The following ZNF480 variants were observed in gnomAD, a reference collection of about 807,000 sequenced individuals.
The protein encoded by ZNF480 is zinc finger protein 480.
ZNF480 carries 15 observed loss-of-function variants against 14.4 expected under a neutral mutation model. The observed-to-expected ratio is 1.04, with a 90% confidence interval of 0.70 to 1.60. ZNF480 has a LOEUF of 1.60. Ranked by LOEUF, ZNF480 falls within the 40% of genes most tolerant of loss-of-function variation. ZNF480 has a pLI of 0.00. For missense variants in ZNF480, 593 were observed against 629.7 expected (o/e 0.94, Z 0.62); for synonymous variants, 218 against 215.5 (o/e 1.01, Z -0.10).
chr19:52,318,358 G>A (rs1415768986), intron 4 of ZNF480, among the ~76,000 whole-genome samples: 2 of 152,050 alleles, frequency 1.3e-5, no homozygotes, highest in African/African-American at 2.4e-5. Flanking sequence ...TCTACCTGCT[G>A]CAGCCTCTCA....
intron 3 of ZNF480, among the ~76,000 whole-genome samples, chr19:52,314,501 A>G (rs1292369716): frequency 6.8e-6 from 1 of 147,774 alleles, no homozygotes; most frequent in African/African-American, 2.5e-5. Context: ...AAAAAAAACC[A>G]AAAAAACCCT....
At chr19:52,316,738 C>T (rs908797360) in intron 4 of ZNF480, among the ~76,000 whole-genome samples, 2 of 152,126 alleles carry the variant, frequency 1.3e-5, no homozygotes, top group African/African-American at 2.4e-5. Flanking sequence ...TCTCCCCTCC[C>T]GCTTTCTTGT....
rs371233992 is a variant in ZNF480, at chr19:52,315,162, T to C, written c.200-672T>C. On this transcript the variant is annotated intron_variant, in intron 3 of 4. Transcript: ENST00000595962. Reference sequence around the variant, plus strand: ...TTCATTTTTACAATGTTGGCCAGGCTGGTCTCAAAGTCCTGGGCTCAAGCA... The same window carrying C: ...TTCATTTTTACAATGTTGGCCAGGCCGGTCTCAAAGTCCTGGGCTCAAGCA... 3.9e-5 allele frequency among the ~76,000 whole-genome samples: 6 copies of C among 152,062 alleles called. No homozygotes were observed. In the South Asian group the frequency reaches 1.2e-3, roughly 32 times the overall value.
chr19:52,309,578 G>C (rs929786126), intron 2 of ZNF480, among the ~76,000 whole-genome samples: 4 of 152,206 alleles, frequency 2.6e-5, no homozygotes, highest in African/African-American at 9.6e-5. Context: ...CAGAAGGTTG[G>C]ATAGACATTC....
Position 52,302,843 on chromosome 19 carries a change from A to G in ZNF480, c.72+2359A>G, listed in dbSNP as rs188283601. Among the ~76,000 whole-genome samples the G allele has an allele frequency of 1.9e-3, 284 of 152,330 alleles. 2 individuals carry two copies. The highest frequency in any genetic ancestry group is 6.7e-3 in the African/African-American group (279 of 41,572). ...TATGTTTTAGACCAGAGGCATTAAC[A>G]TGGGTTAAATTGTGAAAGTGTCTGG... On this transcript the variant is annotated intron_variant, in intron 2 of 4. Transcript: ENST00000595962.
chr19:52,325,724 C>G lies in ZNF480; in HGVS notation c.*2866C>G, dbSNP rs1984070192. 6.6e-6 allele frequency: 1 copy of G among 152,130 alleles called. No individual in the cohort carries two copies. Among genetic ancestry groups the G allele is most frequent in the South Asian group, 2.1e-4 (1 of 4,828 alleles). The allele number at this position is 152,130 out of a possible 1,614,324, so 9.4% of individuals were successfully genotyped here. On this transcript the variant is annotated 3_prime_UTR_variant, in exon 5 of 5. Coordinates refer to ENST00000595962, the MANE Select transcript of ZNF480 (RefSeq NM_144684.4). ...AAGTGGGAGCTAAACATTGATTACA[C>G]ATGGACTCAAAGAAGGGAACAGTAG...
chr19:52,317,687 T>G (rs1176010023), intron 4 of ZNF480, among the ~76,000 whole-genome samples: 1 of 152,202 alleles, frequency 6.6e-6, no homozygotes, highest in Non-Finnish European at 1.5e-5. Flanking sequence ...TTTTTTATCT[T>G]TATACCCAGA....
chr19:52,321,119 C>T (rs1009493981), intron 4 of ZNF480, among the ~76,000 whole-genome samples: 4 of 151,844 alleles, frequency 2.6e-5, no homozygotes, highest in Admixed American at 6.6e-5. Context: ...GGTAAAATAA[C>T]TGCTTCTCTC....
chr19:52,318,825 T>A (rs907111224), intron 4 of ZNF480, among the ~76,000 whole-genome samples: 2 of 152,074 alleles, frequency 1.3e-5, no homozygotes, highest in African/African-American at 4.8e-5. Context: ...CTACCAAGTA[T>A]TTGAGGGTTT....
rs1033447053 is a variant in ZNF480 at position 52,315,944 on chromosome 19, A to G, written c.310A>G (p.Ile104Val). ...IAKNSDGREC[I>V]KGVNTGSSYA... is the part of the protein sequence containing the mutation. Reference sequence around the variant, plus strand: ...AAAAAATTCAGATGGGAGGGAGTGCATCAAAGGTGTGAACACAGGTAAGAG... The same window carrying G: ...AAAAAATTCAGATGGGAGGGAGTGCGTCAAAGGTGTGAACACAGGTAAGAG... Residue 104 changes from isoleucine to valine, a missense_variant, in exon 4 of 5, where the codon ATC (isoleucine) becomes GTC (valine). Physicochemically the swap from Ile to Val is conservative, Grantham distance 29. Coordinates refer to ENST00000595962, the MANE Select transcript of ZNF480 (RefSeq NM_144684.4). 1.2e-6 allele frequency: 2 copies of G among 1,611,182 alleles called. No individual in the cohort carries two copies. Among genetic ancestry groups the G allele is most frequent in the East Asian group, 2.2e-5 (1 of 44,858 alleles).
At chr19:52,299,455 A>C (rs1180118844) in intron 1 of ZNF480, among the ~76,000 whole-genome samples, 13 of 152,190 alleles carry the variant, frequency 8.5e-5, no homozygotes, top group Admixed American at 8.5e-4. Flanking sequence ...GCTGGTTGTA[A>C]GTTCCTGGTT....
Position 52,322,194 on chromosome 19 carries a change from A to G in ZNF480, c.944A>G (p.Tyr315Cys). 6.2e-7 allele frequency: 1 copy of G among 1,614,120 alleles called. No homozygotes were observed. Among genetic ancestry groups the G allele is most frequent in the Non-Finnish European group, 8.5e-7 (1 of 1,180,020 alleles). The change falls in exon 5 of 5, where the codon TAC becomes TGC. Residue 315 changes from tyrosine (Y) to cysteine (C), a missense_variant. Coordinates refer to ENST00000595962, the MANE Select transcript of ZNF480 (RefSeq NM_144684.4). ...AGAATTCATGCTGAAGAGAAACCTTACAAATGTAATGAATGTGGTAAAGGC... is the reference window on the plus strand; with the variant it reads ...AGAATTCATGCTGAAGAGAAACCTTGCAAATGTAATGAATGTGGTAAAGGC... ...HQRIHAEEKP[Y>C]KCNECGKGFS...
rs763196244 is a variant in ZNF480 at position 52,322,317 on chromosome 19, C to T, written c.1067C>T (p.Ala356Val). The T allele has an allele frequency of 2.5e-5, 40 of 1,613,334 alleles. No individual in the cohort carries two copies. Among genetic ancestry groups the T allele is most frequent in the Middle Eastern group, 1.6e-4 (1 of 6,074 alleles). The change falls in exon 5 of 5, where the codon GCG (alanine) becomes GTG (valine). Residue 356 changes from alanine (A) to valine (V), a missense_variant. Coordinates refer to ENST00000595962, the MANE Select transcript of ZNF480 (RefSeq NM_144684.4). ...DECGKAFYRI[A>V]LLVRHQKIHT... ...TGTGGCAAGGCCTTCTATAGGATTG[C>T]GCTCCTTGTACGACATCAGAAAATT...
rs370241984 is a variant in ZNF480, at chr19:52,304,213, G to A, written c.72+3729G>A. 6.6e-5 allele frequency among the ~76,000 whole-genome samples: 10 copies of A among 152,250 alleles called. No homozygotes were observed. In the South Asian group the frequency reaches 1.4e-3, roughly 22 times the overall value. ...ACCGCAGGAATTATAAATGCAAACC[G>A]TTCACAGCCTTGCTCAGCTAAGGGG... On this transcript the variant is annotated intron_variant, in intron 2 of 4. Transcript: ENST00000595962.
At chr19:52,300,636 G>A in intron 2 of ZNF480, 152 bp downstream of exon 2, 1 of 1,363,128 alleles carries the variant, frequency 7.3e-7, no homozygotes, top group Non-Finnish European at 1.0e-6. Flanking sequence ...GACCAGCTTG[G>A]TCGTGGGGAC....
Position 52,322,240 on chromosome 19 carries a change from AG to A in ZNF480, c.991del (p.Ala331GlnfsTer56), listed in dbSNP as rs1983864392. ...GKGFSHKSSL[A>X]NHWRIYTGEK... ...AAGGCTTCAGTCATAAGTCATCTCT[AG>A]CAAATCATTGGAGAATTTATACTGG... On this transcript the variant is annotated frameshift_variant, in exon 5 of 5. Coordinates refer to ENST00000595962, the MANE Select transcript of ZNF480 (RefSeq NM_144684.4). LOFTEE classifies it low-confidence loss of function (END_TRUNC). The A allele has an allele frequency of 6.2e-7, 1 of 1,614,008 alleles. No individual in the cohort carries two copies.
intron 1 of ZNF480, among the ~76,000 whole-genome samples, chr19:52,298,691 GAA>G (rs1400498305): frequency 2.6e-5 from 4 of 151,802 alleles, no homozygotes; most frequent in Admixed American, 6.6e-5. Flanking sequence ...AGATTGAGCA[GAA>G]AGTTTGGAAG....
chr19:52,305,892 G>C (rs926677138), intron 2 of ZNF480, among the ~76,000 whole-genome samples: 1 of 152,090 alleles, frequency 6.6e-6, no homozygotes, highest in African/African-American at 2.4e-5. Flanking sequence ...CAGTGTTTTC[G>C]TTTTTTACAT....
Position 52,322,956 on chromosome 19 carries a change from A to T in ZNF480, c.*98A>T. On this transcript the variant is annotated 3_prime_UTR_variant, in exon 5 of 5. Coordinates refer to ENST00000595962, the MANE Select transcript of ZNF480 (RefSeq NM_144684.4). ...TACTGCAAAGAAATTTTGCAAATGT[A>T]AAGAATATGACAAGGTCTTCAAACA... 1 of 1,133,624 alleles carries T rather than the reference A, an allele frequency of 8.8e-7. No homozygotes were observed. Among genetic ancestry groups the T allele is most frequent in the African/African-American group, 1.6e-5 (1 of 64,406 alleles). The allele number at this position is 1,133,624 out of a possible 1,614,324, so 70.2% of individuals were successfully genotyped here.
Sources: gnomAD v4.1 joint callset for allele counts (sites outside exome capture counted in the v4.1 genomes callset) on GRCh38, gnomAD v4.1.1 for gene constraint, MANE v1.5 for transcripts, NCBI Gene and HGNC (gene_info 2026-07-23, HGNC 2026-07-21) for gene names.